CNTNAP2: variants seen among roughly 807,000 people sequenced by gnomAD.
The protein encoded by CNTNAP2 is contactin-associated protein-like 2.
In CNTNAP2, 98 loss-of-function variants were observed where a neutral mutation model predicts 155.2. The observed-to-expected ratio is 0.63, with a 90% CI of 0.54 to 0.75. The LOEUF is 0.75. Among genes scored for constraint, CNTNAP2 ranks in the 30% least tolerant of loss-of-function variants. The pLI, the probability that CNTNAP2 is intolerant of heterozygous loss-of-function variation, is 0.00. For missense variants in CNTNAP2, 1,727 were observed against 1,688.1 expected (o/e 1.02, Z -0.40); for synonymous variants, 651 against 631.2 (o/e 1.03, Z -0.47).
rs1485331768 is a variant in CNTNAP2 at position 146,659,504 on chromosome 7, CT to C, written c.98-114766del. ...TGGGTGTTTGAGCAAAAGTTTAATTCTATTTTTTTCAGGGATTCTCTAGAAG... is the reference window on the plus strand; with the variant it reads ...TGGGTGTTTGAGCAAAAGTTTAATTCATTTTTTTCAGGGATTCTCTAGAAG... On this transcript the variant is annotated intron_variant, in intron 1 of 23. Coordinates refer to ENST00000361727, the MANE Select transcript of CNTNAP2 (RefSeq NM_014141.6). 5.9e-5 allele frequency among the ~76,000 whole-genome samples: 9 copies of C among 152,188 alleles called. No individual in the cohort carries two copies. In the South Asian group the frequency reaches 1.7e-3, roughly 28 times the overall value.
intron 13 of CNTNAP2, among the ~76,000 whole-genome samples, chr7:147,898,948 T>C (rs2116743016): frequency 7.2e-6 from 1 of 138,066 alleles, no homozygotes; most frequent in South Asian, 2.4e-4. Context: ...TTCATCCATG[T>C]TGTCACATAT....
At chr7:147,852,621 A>C (rs2011815) in intron 13 of CNTNAP2, among the ~76,000 whole-genome samples, 24,833 of 152,186 alleles carry the variant, frequency 0.16, 2,146 homozygotes, top group Admixed American at 0.21. Flanking sequence ...TCATTGCAAG[A>C]ATGTTTGTAA....
intron 1 of CNTNAP2, among the ~76,000 whole-genome samples, chr7:146,566,829 A>C (rs1450643159): frequency 6.6e-6 from 1 of 152,208 alleles, no homozygotes; most frequent in East Asian, 1.9e-4. Flanking sequence ...ATGATCCTAG[A>C]AAGGTCTTCA....
At chr7:148,006,766 A>G (rs1179581141) in intron 15 of CNTNAP2, among the ~76,000 whole-genome samples, 1 of 152,134 alleles carries the variant, frequency 6.6e-6, no homozygotes, top group Non-Finnish European at 1.5e-5. Context: ...AAAAAGAAAA[A>G]GAATTTATGG....
At chr7:147,943,593 G>T (rs1247534848) in intron 14 of CNTNAP2, among the ~76,000 whole-genome samples, 1 of 151,382 alleles carries the variant, frequency 6.6e-6, no homozygotes, top group Non-Finnish European at 1.5e-5. Flanking sequence ...ACATGGTGAA[G>T]CCCCGTCTCT....
chr7:147,518,206 A>G (rs1403541616), intron 11 of CNTNAP2, among the ~76,000 whole-genome samples: 3 of 152,266 alleles, frequency 2.0e-5, no homozygotes, highest in Non-Finnish European at 4.4e-5. Flanking sequence ...GAAGAAATGA[A>G]CATACACTGA....
In CNTNAP2 at chr7:147,977,960, G is replaced by T; in HGVS notation, c.2354G>T (p.Ser785Ile). The T allele has an allele frequency of 6.2e-7, 1 of 1,614,108 alleles. No individual in the cohort carries two copies. Among genetic ancestry groups the T allele is most frequent in the Non-Finnish European group, 8.5e-7 (1 of 1,180,008 alleles). ...TDRQGSEAKLSVGPLRCQGDR... is the reference protein window; with the variant it reads ...TDRQGSEAKLIVGPLRCQGDR... Reference sequence around the variant, plus strand: ...CGTCAAGGCTCAGAAGCCAAATTGAGCGTAGGTCCTCTGCGCTGCCAAGGA... The same window carrying T: ...CGTCAAGGCTCAGAAGCCAAATTGATCGTAGGTCCTCTGCGCTGCCAAGGA... The change falls in exon 15 of 24, where the codon AGC becomes ATC. Residue 785 changes from serine (S) to isoleucine (I), a missense_variant. Physicochemically the swap from Ser to Ile is moderately radical, Grantham distance 142. Transcript: ENST00000361727.
chr7:148,383,371 C>T lies in CNTNAP2; in HGVS notation c.3476-278C>T, dbSNP rs10808052. 0.34 allele frequency among the ~76,000 whole-genome samples: 51,816 copies of T among 151,914 alleles called. 10,204 individuals carry two copies. Among genetic ancestry groups the T allele is most frequent in the East Asian group, 0.66 (3,386 of 5,160 alleles). ...AGAACCAAGTCACTGTTGTGAGTTT[C>T]GGCAGCGTCTGAAGTAGCCAGAAGG... On this transcript the variant is annotated intron_variant, in intron 21 of 23. Transcript: ENST00000361727.
chr7:147,365,324 G>C (rs930662605), intron 9 of CNTNAP2, among the ~76,000 whole-genome samples: 1 of 138,336 alleles, frequency 7.2e-6, no homozygotes, highest in Admixed American at 8.1e-5. Flanking sequence ...GCAGTGAGAC[G>C]AGACCAGGCC....
chr7:147,574,862 C>T (rs1262876159), intron 12 of CNTNAP2, among the ~76,000 whole-genome samples: 1 of 152,008 alleles, frequency 6.6e-6, no homozygotes, highest in Non-Finnish European at 1.5e-5. Flanking sequence ...GTCAATCAGC[C>T]ACAAGGCTTA....
intron 1 of CNTNAP2, among the ~76,000 whole-genome samples, chr7:146,499,305 C>T (rs1797265666): frequency 6.6e-6 from 1 of 152,142 alleles, no homozygotes; most frequent in Non-Finnish European, 1.5e-5. Flanking sequence ...GCTTCAGCCT[C>T]CTGAGTAGCT....
chr7:146,229,568 C>T (rs1023046490), intron 1 of CNTNAP2, among the ~76,000 whole-genome samples: 7 of 152,064 alleles, frequency 4.6e-5, no homozygotes, highest in Non-Finnish European at 8.8e-5. Flanking sequence ...GAGTTCCATG[C>T]GCTGACAGAG....
chr7:147,336,669 C>A (rs909643694), intron 9 of CNTNAP2, among the ~76,000 whole-genome samples: 3 of 152,050 alleles, frequency 2.0e-5, no homozygotes, highest in African/African-American at 7.2e-5. Context: ...TAGTTAGTGG[C>A]AGAGATATGA....
intron 13 of CNTNAP2, among the ~76,000 whole-genome samples, chr7:147,899,397 G>A (rs1312477942): frequency 6.6e-6 from 1 of 152,088 alleles, no homozygotes; most frequent in Non-Finnish European, 1.5e-5. Flanking sequence ...GTCACCAGGG[G>A]CTGGGAAGAC....
intron 21 of CNTNAP2, among the ~76,000 whole-genome samples, chr7:148,328,198 C>T (rs896153532): frequency 1.3e-5 from 2 of 151,966 alleles, no homozygotes; most frequent in East Asian, 1.9e-4. Context: ...CTGAGGCAAG[C>T]GGGGAGTGGG....
intron 1 of CNTNAP2, among the ~76,000 whole-genome samples, chr7:146,521,853 T>A (rs938933942): frequency 4.6e-5 from 7 of 151,976 alleles, no homozygotes; most frequent in African/African-American, 1.7e-4. Context: ...ATATTAGATT[T>A]AAAAAAATCT....
chr7:146,391,071 T>C (rs1383378313), intron 1 of CNTNAP2, among the ~76,000 whole-genome samples: 1 of 147,748 alleles, frequency 6.8e-6, no homozygotes, highest in Non-Finnish European at 1.5e-5. Context: ...GTCTAAAAAA[T>C]ATATATATTA....
chr7:148,054,105 T>C (rs1802961021), intron 15 of CNTNAP2, among the ~76,000 whole-genome samples: 1 of 151,926 alleles, frequency 6.6e-6, no homozygotes, highest in African/African-American at 2.4e-5. Flanking sequence ...CCAGAGTAGC[T>C]GGGACTACAG....
At chr7:147,109,519 A>C (rs1800832062) in intron 5 of CNTNAP2, among the ~76,000 whole-genome samples, 1 of 152,162 alleles carries the variant, frequency 6.6e-6, no homozygotes. Context: ...AGAGAGGAAG[A>C]CTAAAATGGA....
Sources: gnomAD v4.1 joint callset for allele counts (sites outside exome capture counted in the v4.1 genomes callset) on GRCh38, gnomAD v4.1.1 for gene constraint, MANE v1.5 for transcripts, NCBI Gene and HGNC (gene_info 2026-07-23, HGNC 2026-07-21) for gene names.